Variants in ATP9B observed in about 807,000 individuals in gnomAD.
ATP9B encodes the protein ATPase phospholipid transporting 9B, also known as probable phospholipid-transporting ATPase IIB.
In ATP9B, 110 loss-of-function variants were observed where a neutral mutation model predicts 146.1. The observed-to-expected ratio is 0.75, with a 90% CI of 0.65 to 0.88. The LOEUF (loss-of-function observed/expected upper bound fraction) is 0.88, where lower values mean the gene tolerates loss of function less well. ATP9B is among the 40% of genes least tolerant of loss of function. The probability of loss-of-function intolerance (pLI) is 0.00; values close to 1 mark genes in which losing one functional copy is unlikely to be tolerated. For missense variants in ATP9B, 1,499 were observed against 1,496.4 expected (o/e 1.00, Z -0.03); for synonymous variants, 604 against 569.7 (o/e 1.06, Z -0.86).
chr18:79,349,448 G>C (rs750033400), intron 25 of ATP9B, among the ~76,000 whole-genome samples: 4 of 152,116 alleles, frequency 2.6e-5, no homozygotes, highest in Admixed American at 6.5e-5. Flanking sequence ...GAGTTGTCAG[G>C]GGCTGGCGCC....
At chr18:79,105,985 A>G (rs1413550710) in intron 2 of ATP9B, among the ~76,000 whole-genome samples, 2 of 152,192 alleles carry the variant, frequency 1.3e-5, no homozygotes, top group Admixed American at 6.5e-5. Context: ...TTATTTAACT[A>G]TGACTAGTTA....
chr18:79,200,790 G>GGGACTGTC (rs1402464696), intron 9 of ATP9B, among the ~76,000 whole-genome samples: 1 of 152,130 alleles, frequency 6.6e-6, no homozygotes, highest in African/African-American at 2.4e-5. Flanking sequence ...AGTAGTGGTG[G>GGGACTGTC]AATTGTTTTC....
intron 7 of ATP9B, among the ~76,000 whole-genome samples, chr18:79,173,082 A>G (rs2095104597): frequency 6.6e-6 from 1 of 152,152 alleles, no homozygotes; most frequent in South Asian, 2.1e-4. Context: ...CCGTTCCGTT[A>G]TGGCTGGCGA....
chr18:79,088,811 C>T lies in ATP9B; in HGVS notation c.120-7665C>T, dbSNP rs150445981. On this transcript the variant is annotated intron_variant, in intron 1 of 29. Transcript: ENST00000426216. ...AACATCACAGCACAGTGATGGTTAT[C>T]TTTGTAGAGAAATCTTGAACACATT... 5.7e-3 allele frequency among the ~76,000 whole-genome samples: 874 copies of T among 152,194 alleles called. 11 individuals are homozygous for T. The highest frequency in any genetic ancestry group is 0.017 in the Middle Eastern group (5 of 294).
At chr18:79,112,760 CTATT>C (rs1568200659) in intron 3 of ATP9B, among the ~76,000 whole-genome samples, 1 of 151,392 alleles carries the variant, frequency 6.6e-6, no homozygotes, top group Non-Finnish European at 1.5e-5. Context: ...AAAAAAGTGG[CTATT>C]TATTTGTTTT....
At chr18:79,375,948 T>C in intron 29 of ATP9B, 4 of 985,362 alleles carry the variant, frequency 4.1e-6, no homozygotes, top group Non-Finnish European at 4.8e-6. Flanking sequence ...CTGCCTCTTT[T>C]CATGCGGAAT....
chr18:79,086,511 C>T (rs1445999488), intron 1 of ATP9B: 1 of 126,796 alleles, frequency 7.9e-6, no homozygotes, highest in East Asian at 3.0e-4. Flanking sequence ...AAATGTTTTA[C>T]TTATTTTTTT....
At chr18:79,149,286 T>G (rs1341425439) in intron 6 of ATP9B, among the ~76,000 whole-genome samples, 2 of 152,172 alleles carry the variant, frequency 1.3e-5, no homozygotes, top group African/African-American at 4.8e-5. Context: ...GTAGTTACAT[T>G]AGTCAACATA....
At chr18:79,310,470 G>A (rs971383441) in intron 15 of ATP9B, among the ~76,000 whole-genome samples, 9 of 152,222 alleles carry the variant, frequency 5.9e-5, no homozygotes, top group Admixed American at 2.0e-4. Context: ...AGCTGACCAA[G>A]GGTGGCAAGC....
intron 4 of ATP9B, among the ~76,000 whole-genome samples, chr18:79,114,592 C>T (rs968667018): frequency 2.2e-4 from 34 of 152,234 alleles, no homozygotes; most frequent in African/African-American, 8.2e-4. Flanking sequence ...TTTGATTTCT[C>T]TTTCACATAG....
chr18:79,316,126 T>G (rs1313957848), intron 15 of ATP9B, among the ~76,000 whole-genome samples: 1 of 152,192 alleles, frequency 6.6e-6, no homozygotes, highest in Non-Finnish European at 1.5e-5. Flanking sequence ...TCTGCCAGTT[T>G]TTTATTGAAT....
chr18:79,090,550 G>A (rs922890334), intron 1 of ATP9B, among the ~76,000 whole-genome samples: 23 of 152,138 alleles, frequency 1.5e-4, no homozygotes, highest in African/African-American at 5.1e-4. Flanking sequence ...TTTCATATGC[G>A]TGTTTGTGAT....
chr18:79,356,934 C>T (rs2850470), intron 25 of ATP9B, among the ~76,000 whole-genome samples: 2 of 12,048 alleles, frequency 1.7e-4, no homozygotes, highest in East Asian at 0.012. Context: ...TGGAGGTGTC[C>T]GTGTGAGGGA....
chr18:79,084,853 G>A (rs558340818), intron 1 of ATP9B, among the ~76,000 whole-genome samples: 1 of 152,152 alleles, frequency 6.6e-6, no homozygotes, highest in Non-Finnish European at 1.5e-5. Flanking sequence ...AGATAACGTT[G>A]GTTAGTTGTT....
intron 9 of ATP9B, among the ~76,000 whole-genome samples, chr18:79,205,980 G>A (rs888750734): frequency 4.7e-5 from 7 of 149,340 alleles, no homozygotes; most frequent in East Asian, 2.0e-4. Flanking sequence ...TCGCTCTGTC[G>A]CCCAGGCTGG....
At chr18:79,223,304 G>A (rs1461251931) in intron 11 of ATP9B, among the ~76,000 whole-genome samples, 1 of 151,880 alleles carries the variant, frequency 6.6e-6, no homozygotes, top group East Asian at 1.9e-4. Flanking sequence ...AAGTTATATT[G>A]ATTTATATTA....
rs2096254178 is a variant in ATP9B, at chr18:79,271,482, T to TG, written c.1269-5571dup. Among the ~76,000 whole-genome samples, 3 of 149,770 alleles carry TG rather than the reference T, an allele frequency of 2.0e-5. No individual in the cohort carries two copies. The Admixed American group carries it at 2.0e-4, about 10-fold the overall frequency. ...CAGTTCCCACCTATGAGTGAGAACATGCGGTGTTTGGTTTTTTGTCTTTGT... is the reference window on the plus strand; with the variant it reads ...CAGTTCCCACCTATGAGTGAGAACATGGCGGTGTTTGGTTTTTTGTCTTTGT... On this transcript the variant is annotated intron_variant, in intron 12 of 29. Transcript: ENST00000426216.
At chr18:79,136,536 T>G (rs1159450426) in intron 5 of ATP9B, among the ~76,000 whole-genome samples, 2 of 152,236 alleles carry the variant, frequency 1.3e-5, no homozygotes, top group Non-Finnish European at 2.9e-5. Context: ...TTTCTTCAAA[T>G]ATTTTTTCTT....
chr18:79,363,886 A>T (rs1441854029), intron 26 of ATP9B: 1 of 151,964 alleles, frequency 6.6e-6, no homozygotes, highest in Non-Finnish European at 1.5e-5. Flanking sequence ...ATGGATTGAG[A>T]GCCTCAGTAT....
Sources: gnomAD v4.1 joint callset for allele counts (sites outside exome capture counted in the v4.1 genomes callset) on GRCh38, gnomAD v4.1.1 for gene constraint, MANE v1.5 for transcripts, NCBI Gene and HGNC (gene_info 2026-07-23, HGNC 2026-07-21) for gene names.